The following MACROD2 variants were observed in gnomAD, a reference collection of about 807,000 sequenced individuals.
MACROD2 encodes ADP-ribose glycohydrolase MACROD2.
Under a neutral mutation model 70.4 loss-of-function variants are expected in MACROD2, and 36 were observed. The ratio of observed to expected loss-of-function variants is 0.51; its 90% confidence interval spans 0.39 to 0.68. The LOEUF (loss-of-function observed/expected upper bound fraction) is 0.68, where lower values mean the gene tolerates loss of function less well. Among genes scored for constraint, MACROD2 ranks in the 30% least tolerant of loss-of-function variants. The pLI, the probability that MACROD2 is intolerant of heterozygous loss-of-function variation, is 0.00. For synonymous variants in MACROD2, 172 were observed against 178.8 expected (o/e 0.96, Z 0.30); for missense variants, 496 against 538.4 (o/e 0.92, Z 0.78).
In MACROD2 at chr20:15,281,152, A is replaced by G. The variant is rs114377270; in HGVS notation, c.540+51091A>G. On this transcript the variant is annotated intron_variant, in intron 6 of 17. Transcript: ENST00000684519. Reference sequence around the variant, plus strand: ...GTGGGGGAACTGCCACCATGATCCAATTACCTCCACTTGGTCCCCCACTTG... The same window carrying G: ...GTGGGGGAACTGCCACCATGATCCAGTTACCTCCACTTGGTCCCCCACTTG... Among the ~76,000 whole-genome samples, 1,029 of 152,262 alleles carry G rather than the reference A, an allele frequency of 6.8e-3. 17 individuals are homozygous for G. Among genetic ancestry groups the G allele is most frequent in the African/African-American group, 0.023 (964 of 41,550 alleles).
At chr20:14,314,562 A>G (rs1170247110) in intron 3 of MACROD2, among the ~76,000 whole-genome samples, 2 of 152,160 alleles carry the variant, frequency 1.3e-5, no homozygotes, top group Admixed American at 1.3e-4. Flanking sequence ...GGAGTGAAAG[A>G]CCAGCCTGAC....
chr20:14,745,483 C>G (rs2071788431), intron 5 of MACROD2, among the ~76,000 whole-genome samples: 1 of 152,160 alleles, frequency 6.6e-6, no homozygotes, highest in Non-Finnish European at 1.5e-5. Context: ...CCTAGGCATT[C>G]TAACATGTTC....
At chr20:14,249,927 G>A (rs911942576) in intron 3 of MACROD2, among the ~76,000 whole-genome samples, 3 of 152,094 alleles carry the variant, frequency 2.0e-5, no homozygotes, top group Non-Finnish European at 4.4e-5. Context: ...AGTATAAAAT[G>A]TTCATCAACC....
At chr20:14,980,361 CACCTTGGA>C (rs1600903375) in intron 5 of MACROD2, among the ~76,000 whole-genome samples, 1 of 152,188 alleles carries the variant, frequency 6.6e-6, no homozygotes, top group East Asian at 1.9e-4. Flanking sequence ...TGCCTTGTCC[CACCTTGGA>C]ACTCTGCAGA....
intron 8 of MACROD2, among the ~76,000 whole-genome samples, chr20:15,710,142 A>G (rs2050603068): frequency 6.7e-6 from 1 of 149,906 alleles, no homozygotes; most frequent in Non-Finnish European, 1.5e-5. Context: ...GCAACTCAAA[A>G]CCACAATGAG....
intron 3 of MACROD2, among the ~76,000 whole-genome samples, chr20:14,432,197 G>A (rs543899577): frequency 1.4e-4 from 21 of 152,188 alleles, no homozygotes; most frequent in African/African-American, 4.8e-4. Flanking sequence ...CCTGGACATT[G>A]TTGATCATGT....
At chr20:14,008,166 G>T (rs1450851789) in intron 2 of MACROD2, among the ~76,000 whole-genome samples, 1 of 152,136 alleles carries the variant, frequency 6.6e-6, no homozygotes, top group African/African-American at 2.4e-5. Context: ...CAGCTAGAAA[G>T]AGAGGAAGTC....
intron 8 of MACROD2, among the ~76,000 whole-genome samples, chr20:15,597,689 G>A (rs763799262): frequency 6.6e-6 from 1 of 152,168 alleles, no homozygotes; most frequent in Non-Finnish European, 1.5e-5. Flanking sequence ...GATCAGCTTG[G>A]CCCAAGGAAA....
intron 8 of MACROD2, among the ~76,000 whole-genome samples, chr20:15,753,291 C>T (rs2051300154): frequency 6.6e-6 from 1 of 152,176 alleles, no homozygotes; most frequent in Admixed American, 6.5e-5. Flanking sequence ...CAGTAGTCCC[C>T]AGTGTCTACT....
intron 5 of MACROD2, among the ~76,000 whole-genome samples, chr20:14,814,991 A>C (rs1045640838): frequency 6.6e-6 from 1 of 152,060 alleles, no homozygotes; most frequent in Non-Finnish European, 1.5e-5. Context: ...TCACAGTGTT[A>C]AACACTATAT....
intron 8 of MACROD2, among the ~76,000 whole-genome samples, chr20:15,537,279 C>A (rs1375048656): frequency 6.6e-6 from 1 of 152,008 alleles, no homozygotes; most frequent in African/African-American, 2.4e-5. Flanking sequence ...TGAAGCCTCC[C>A]CAGCCATGTG....
At chr20:14,533,703 A>G (rs1001912361) in intron 4 of MACROD2, among the ~76,000 whole-genome samples, 2 of 152,204 alleles carry the variant, frequency 1.3e-5, no homozygotes, top group African/African-American at 2.4e-5. Flanking sequence ...GTAGTTTTAA[A>G]TTCTCATATA....
chr20:14,883,184 A>T (rs1466191638), intron 5 of MACROD2, among the ~76,000 whole-genome samples: 1 of 152,200 alleles, frequency 6.6e-6, no homozygotes, highest in African/African-American at 2.4e-5. Context: ...TTTCCTAAAA[A>T]GTCTGTAATT....
At chr20:14,152,782 C>T (rs867173584) in intron 3 of MACROD2, among the ~76,000 whole-genome samples, 6 of 152,194 alleles carry the variant, frequency 3.9e-5, no homozygotes, top group African/African-American at 9.6e-5. Flanking sequence ...GGTACTGATG[C>T]TTGTATTATG....
chr20:15,352,605 G>A (rs1196939607), intron 6 of MACROD2, among the ~76,000 whole-genome samples: 1 of 152,044 alleles, frequency 6.6e-6, no homozygotes, highest in Non-Finnish European at 1.5e-5. Context: ...ACATTGCATT[G>A]AAATACTGGT....
chr20:14,312,778 C>T (rs1403295149), intron 3 of MACROD2, among the ~76,000 whole-genome samples: 1 of 152,166 alleles, frequency 6.6e-6, no homozygotes, highest in Non-Finnish European at 1.5e-5. Context: ...TTACGAAAGG[C>T]AAATTCAGAG....
rs140028697 is a variant in MACROD2 at position 14,854,831 on chromosome 20, A to C, written c.418+169872A>C. Among the ~76,000 whole-genome samples, 26 of 152,232 alleles carry C rather than the reference A, an allele frequency of 1.7e-4. No homozygotes were observed. The East Asian group carries it at 4.9e-3, about 28-fold the overall frequency. ...GGAGATCGAGACCATCCTGGCTAACACGGTGAAACCCCATCTCTACTAAAA... is the reference window on the plus strand; with the variant it reads ...GGAGATCGAGACCATCCTGGCTAACCCGGTGAAACCCCATCTCTACTAAAA... On this transcript the variant is annotated intron_variant, in intron 5 of 17. Transcript: ENST00000684519.
intron 4 of MACROD2, among the ~76,000 whole-genome samples, chr20:14,664,639 C>G (rs2070717341): frequency 6.6e-6 from 1 of 152,026 alleles, no homozygotes; most frequent in African/African-American, 2.4e-5. Context: ...TTATTCCCCT[C>G]AAAACCAACA....
chr20:14,140,785 T>A (rs929595954), intron 3 of MACROD2, among the ~76,000 whole-genome samples: 1 of 152,094 alleles, frequency 6.6e-6, no homozygotes, highest in Non-Finnish European at 1.5e-5. Context: ...GCCAGAGACC[T>A]CTTTATTTTC....
Sources: allele counts gnomAD v4.1 joint callset (sites outside exome capture counted in the v4.1 genomes callset), GRCh38; gene constraint gnomAD v4.1.1; transcripts MANE v1.5; gene names NCBI Gene and HGNC (gene_info 2026-07-23, HGNC 2026-07-21).